The following NPC1 variants were observed in gnomAD, a reference collection of about 807,000 sequenced individuals.
NPC1 encodes Niemann-Pick C1 protein.
Under a neutral mutation model 140.4 loss-of-function variants are expected in NPC1, and 85 were observed. The observed-to-expected ratio is 0.61, with a 90% CI of 0.51 to 0.72. NPC1 has a LOEUF of 0.72. NPC1 is among the 30% of genes least tolerant of loss of function. The probability of loss-of-function intolerance (pLI) is 0.00; values close to 1 mark genes in which losing one functional copy is unlikely to be tolerated. For synonymous variants in NPC1, 656 were observed against 624.8 expected, an observed-to-expected ratio of 1.05 and a Z score of -0.74; for missense variants, 1,504 against 1,623.8, an observed-to-expected ratio of 0.93 and a Z score of 1.27.
chr18:23,578,120 A>C (rs1291590019), intron 1 of NPC1, among the ~76,000 whole-genome samples: 4 of 152,194 alleles, frequency 2.6e-5, no homozygotes, highest in African/African-American at 9.6e-5. Flanking sequence ...AATGCCACCA[A>C]AGTGGGAGCC....
At chr18:23,509,314 G>T (rs1434940981) in intron 3 of NPC1, 15 of 1,091,366 alleles carry the variant, frequency 1.4e-5, no homozygotes, top group Non-Finnish European at 1.9e-5. Context: ...GTTGGTTAAA[G>T]TTCAGTGATA....
chr18:23,529,412 A>C (rs1447386593), downstream of NPC1: 4 of 1,461,254 alleles, frequency 2.7e-6, no homozygotes, highest in Non-Finnish European at 3.6e-6. Flanking sequence ...GAATCACTGG[A>C]GTTTCCTTGG....
At chr18:23,529,473 TAATTG>T, downstream of NPC1, 1 of 1,259,540 alleles carries the variant, frequency 7.9e-7, no homozygotes. Flanking sequence ...GCCTAAAGCA[TAATTG>T]TTGACGGGTG....
chr18:23,530,751 C>T (rs1385824932), downstream of NPC1: 10 of 743,806 alleles, frequency 1.3e-5, no homozygotes, highest in Non-Finnish European at 2.1e-5. Context: ...AGCCCTTGGC[C>T]CATTATTTGT....
At chr18:23,518,337 TAA>T (rs1473780091), downstream of NPC1, among the ~76,000 whole-genome samples, 3 of 151,936 alleles carry the variant, frequency 2.0e-5, no homozygotes, top group African/African-American at 7.3e-5. Flanking sequence ...CAAAAAAATT[TAA>T]AAATTAGCCA....
intron 3 of NPC1, among the ~76,000 whole-genome samples, chr18:23,513,449 G>A (rs2057917625): frequency 2.6e-5 from 4 of 152,166 alleles, no homozygotes; most frequent in African/African-American, 9.7e-5. Flanking sequence ...ATCTGTTGAG[G>A]GACATTTGGG....
At chr18:23,557,744 A>AAAAC (rs10593231) in intron 6 of NPC1, among the ~76,000 whole-genome samples, 2 of 152,008 alleles carry the variant, frequency 1.3e-5, no homozygotes, top group Non-Finnish European at 1.5e-5. Flanking sequence ...CCATCTCAAA[A>AAAAC]AAACAAACAA....
chr18:23,516,453 T>G (rs1035895463), intron 3 of NPC1: 25 of 1,598,932 alleles, frequency 1.6e-5, no homozygotes, highest in Non-Finnish European at 1.9e-5. Context: ...AATTCCATCC[T>G]GTGATTGCTT....
intron 3 of NPC1, chr18:23,516,279 G>A (rs754722071): frequency 6.3e-7 from 1 of 1,587,946 alleles, no homozygotes; most frequent in Non-Finnish European, 8.6e-7. Flanking sequence ...ACATTGAAGG[G>A]GTTTAATAAG....
chr18:23,533,228 G>A, intron 24 of NPC1, 127 bp downstream of exon 24: 2 of 1,067,568 alleles, frequency 1.9e-6, no homozygotes, highest in Non-Finnish European at 2.8e-6. Flanking sequence ...TTTTTACTCA[G>A]TATCATTTAT....
chr18:23,560,603 T>G, intron 5 of NPC1, 123 bp from the exon 6 acceptor site: 1 of 1,044,938 alleles, frequency 9.6e-7, no homozygotes, highest in Non-Finnish European at 1.4e-6. Context: ...GAAAAAGAAT[T>G]GGAGGTTTTA....
chr18:23,558,091 G>A (rs1046512558), intron 6 of NPC1, among the ~76,000 whole-genome samples: 6 of 152,204 alleles, frequency 3.9e-5, no homozygotes, highest in African/African-American at 1.4e-4. Flanking sequence ...GTTAGTAAAT[G>A]CAGAGGAAGA....
At chr18:23,537,437 G>A (rs1372571775) in intron 20 of NPC1, among the ~76,000 whole-genome samples, 1 of 152,110 alleles carries the variant, frequency 6.6e-6, no homozygotes, top group Admixed American at 6.5e-5. Flanking sequence ...TCTCCACCTG[G>A]TTTCATGTAT....
downstream of NPC1, chr18:23,530,160 T>C: frequency 6.2e-7 from 1 of 1,613,752 alleles, no homozygotes; most frequent in Non-Finnish European, 8.5e-7. Flanking sequence ...TTTACTTCCA[T>C]TGTGGTTAAA....
chr18:23,541,174 C>A lies in NPC1; in HGVS notation c.2408G>T (p.Gly803Val). 6.2e-7 allele frequency: 1 copy of A among 1,614,198 alleles called. No homozygotes were observed. The highest frequency in any genetic ancestry group is 2.2e-5 in the East Asian group (1 of 44,880). ...CTGGACGCTTGTTCCATCTTCAGCA[C>A]CTCTGACACAGCAAAAGATGTCTAG... ...NRLDIFCCVRGAEDGTSVQAS... is the reference protein window; with the variant it reads ...NRLDIFCCVRVAEDGTSVQAS... Residue 803 changes from glycine (G) to valine (V), a missense_variant, in exon 16 of 25, where the codon GGT (glycine) becomes GTT (valine). Gly to Val is a moderately radical substitution (Grantham distance 109). Coordinates refer to ENST00000269228, the MANE Select transcript of NPC1 (RefSeq NM_000271.5).
chr18:23,539,625 A>T (rs1234446704), intron 18 of NPC1, 155 bp from the exon 19 acceptor site: 5 of 790,758 alleles, frequency 6.3e-6, no homozygotes, highest in Non-Finnish European at 8.3e-6. Context: ...AAGCCTTCAA[A>T]GTATTAGGTG....
chr18:23,580,215 T>C (rs995037167), intron 1 of NPC1, among the ~76,000 whole-genome samples: 4 of 152,146 alleles, frequency 2.6e-5, no homozygotes, highest in Non-Finnish European at 4.4e-5. Context: ...AAAGATACTC[T>C]GAGGTCACAT....
At chr18:23,559,118 A>G (rs1401237148) in intron 6 of NPC1, among the ~76,000 whole-genome samples, 1 of 152,106 alleles carries the variant, frequency 6.6e-6, no homozygotes, top group Non-Finnish European at 1.5e-5. Flanking sequence ...AATCCAGTCT[A>G]TCGTTGTTGG....
chr18:23,520,668 CTT>C (rs2058119861), downstream of NPC1, among the ~76,000 whole-genome samples: 1 of 151,836 alleles, frequency 6.6e-6, no homozygotes, highest in Non-Finnish European at 1.5e-5. Flanking sequence ...CAGAGCCTCA[CTT>C]TGTTGCCCAG....
Sources: allele counts gnomAD v4.1 joint callset (sites outside exome capture counted in the v4.1 genomes callset), GRCh38; gene constraint gnomAD v4.1.1; transcripts MANE v1.5; gene names NCBI Gene and HGNC (gene_info 2026-07-23, HGNC 2026-07-21).